RBFOX1: variants seen among roughly 807,000 people sequenced by gnomAD.
RBFOX1 encodes the protein RNA binding fox-1 homolog 1.
RBFOX1 carries 8 observed loss-of-function variants against 57.7 expected under a neutral mutation model. That is an observed-to-expected ratio of 0.14 (90% CI 0.08 to 0.25). The LOEUF is 0.25. Ranked by LOEUF, RBFOX1 falls within the 10% of genes least tolerant of loss-of-function variation. The pLI is 1.00. For missense variants in RBFOX1, 611 were observed against 548.5 expected (o/e 1.11, Z -1.14); for synonymous variants, 326 against 222.4 (o/e 1.47, Z -4.15).
At chr16:6,908,528 A>G (rs1034470034) in intron 3 of RBFOX1, among the ~76,000 whole-genome samples, 2 of 152,178 alleles carry the variant, frequency 1.3e-5, no homozygotes, top group African/African-American at 4.8e-5. Flanking sequence ...CTCACTTATC[A>G]GGTTCACCTC....
chr16:5,613,437 C>T (rs892911767), intron 3 of RBFOX1, among the ~76,000 whole-genome samples: 1 of 152,188 alleles, frequency 6.6e-6, no homozygotes, highest in African/African-American at 2.4e-5. Context: ...CACTTGCTTT[C>T]ATATCTGCTG....
At chr16:7,196,029 G>A (rs144946161) in intron 4 of RBFOX1, among the ~76,000 whole-genome samples, 5,157 of 151,900 alleles carry the variant, frequency 0.034, 118 homozygotes, top group Non-Finnish European at 0.045. Context: ...AAAAATGTGA[G>A]TATCATATTT....
chr16:5,340,485 G>T (rs2065009063), intron 1 of RBFOX1, among the ~76,000 whole-genome samples: 1 of 152,188 alleles, frequency 6.6e-6, no homozygotes, highest in Admixed American at 6.5e-5. Flanking sequence ...GGCACATATT[G>T]GGAGTGATGG....
At chr16:7,271,890 G>A (rs1359393835) in intron 4 of RBFOX1, among the ~76,000 whole-genome samples, 1 of 151,788 alleles carries the variant, frequency 6.6e-6, no homozygotes, top group African/African-American at 2.4e-5. Flanking sequence ...TGTGCATATC[G>A]ATTAGTTGAC....
intron 3 of RBFOX1, among the ~76,000 whole-genome samples, chr16:6,699,378 AT>A (rs1224036355): frequency 3.3e-5 from 5 of 151,060 alleles, no homozygotes; most frequent in Admixed American, 6.6e-5. Context: ...ATAAGCAGGT[AT>A]TTTTTATGCA....
At chr16:6,780,211 A>T (rs186468017) in intron 3 of RBFOX1, among the ~76,000 whole-genome samples, 37 of 45,364 alleles carry the variant, frequency 8.2e-4, no homozygotes, top group Middle Eastern at 0.028. Context: ...TTATATATTT[A>T]TATATATTTA....
At chr16:6,396,442 T>G (rs781137063) in intron 2 of RBFOX1, among the ~76,000 whole-genome samples, 6 of 152,078 alleles carry the variant, frequency 3.9e-5, no homozygotes, top group Non-Finnish European at 7.3e-5. Context: ...ATAGATAGAC[T>G]AGGAAGGAAG....
intron 11 of RBFOX1, among the ~76,000 whole-genome samples, chr16:7,648,519 G>C (rs1330153621): frequency 2.0e-5 from 3 of 152,180 alleles, no homozygotes; most frequent in Admixed American, 2.0e-4. Flanking sequence ...CACTGTGCCT[G>C]ACCAGGAAAA....
In RBFOX1 at chr16:7,048,226, T is replaced by G. The variant is rs540549731; in HGVS notation, c.-15-3831T>G. 1.3e-4 allele frequency among the ~76,000 whole-genome samples: 20 copies of G among 152,000 alleles called. No individual in the cohort carries two copies. The South Asian group carries it at 3.9e-3, about 30-fold the overall frequency. On this transcript the variant is annotated intron_variant, in intron 3 of 15. Transcript: ENST00000550418. ...TAAAAAAATTTAGTTATTTTTATGG[T>G]TGTAAAATTTCCTTTTGATTTTTTT...
Position 7,238,827 on chromosome 16 carries a change from G to T in RBFOX1, c.27+186729G>T, listed in dbSNP as rs569621450. ...CTGCCAAGAGACCCCAGTGTGTGTT[G>T]TTCCCCTCTATGTGTCCACGTGTTT... On this transcript the variant is annotated intron_variant, in intron 4 of 15. Coordinates refer to ENST00000550418, the MANE Select transcript of RBFOX1 (RefSeq NM_018723.4). 5.9e-4 allele frequency among the ~76,000 whole-genome samples: 89 copies of T among 152,086 alleles called. 1 individual carries two copies. Among genetic ancestry groups the T allele is most frequent in the Non-Finnish European group, 4.4e-4 (30 of 68,024 alleles).
At chr16:7,563,898 G>T (rs1172202555) in intron 5 of RBFOX1, among the ~76,000 whole-genome samples, 1 of 152,128 alleles carries the variant, frequency 6.6e-6, no homozygotes, top group Non-Finnish European at 1.5e-5. Flanking sequence ...CTCCAACCCT[G>T]CCCACTGTAC....
intron 2 of RBFOX1, among the ~76,000 whole-genome samples, chr16:6,434,471 A>G (rs1377477452): frequency 1.3e-5 from 2 of 152,108 alleles, no homozygotes; most frequent in African/African-American, 4.8e-5. Flanking sequence ...CTTAGTCTTG[A>G]GCTGAAAGCC....
chr16:6,894,085 G>A (rs1020324423), intron 3 of RBFOX1, among the ~76,000 whole-genome samples: 1 of 151,872 alleles, frequency 6.6e-6, no homozygotes, highest in East Asian at 1.9e-4. Context: ...ATACTGGATC[G>A]ATTGATAGAT....
chr16:5,714,227 G>A (rs570215281), intron 3 of RBFOX1, among the ~76,000 whole-genome samples: 3 of 152,248 alleles, frequency 2.0e-5, no homozygotes, highest in African/African-American at 2.4e-5. Context: ...CTCTCCCATT[G>A]TGAATCTGCA....
intron 1 of RBFOX1, among the ~76,000 whole-genome samples, chr16:5,442,440 C>G (rs575932912): frequency 6.6e-6 from 1 of 152,152 alleles, no homozygotes. Context: ...ACTGTGGTTG[C>G]TATGGGGAAA....
intron 1 of RBFOX1, among the ~76,000 whole-genome samples, chr16:6,257,820 A>G (rs1393349221): frequency 6.6e-6 from 1 of 152,110 alleles, no homozygotes; most frequent in African/African-American, 2.4e-5. Context: ...AATCCACTCT[A>G]TCATTAATGG....
At chr16:5,517,502 A>G (rs1324637972) in intron 2 of RBFOX1, among the ~76,000 whole-genome samples, 1 of 152,194 alleles carries the variant, frequency 6.6e-6, no homozygotes, top group Admixed American at 6.5e-5. Flanking sequence ...CTAAAATCCC[A>G]GAAGAGAGAA....
At chr16:6,887,954 G>T (rs1334886922) in intron 3 of RBFOX1, among the ~76,000 whole-genome samples, 1 of 152,036 alleles carries the variant, frequency 6.6e-6, no homozygotes, top group Non-Finnish European at 1.5e-5. Flanking sequence ...GAGCCACCAC[G>T]CCTGTCCCAT....
chr16:7,532,850 T>G (rs1032182885), intron 5 of RBFOX1, among the ~76,000 whole-genome samples: 1 of 152,222 alleles, frequency 6.6e-6, no homozygotes, highest in Non-Finnish European at 1.5e-5. Context: ...GCTTATTGTT[T>G]GACCCTCAAC....
Sources: gnomAD v4.1 joint callset for allele counts (sites outside exome capture counted in the v4.1 genomes callset) on GRCh38, gnomAD v4.1.1 for gene constraint, MANE v1.5 for transcripts, NCBI Gene and HGNC (gene_info 2026-07-23, HGNC 2026-07-21) for gene names.